SLC1A3: variants seen among roughly 807,000 people sequenced by gnomAD.
The protein encoded by SLC1A3 is solute carrier family 1 member 3.
A neutral mutation model predicts 48.1 loss-of-function variants in SLC1A3; 21 were observed. The ratio of observed to expected loss-of-function variants is 0.44; its 90% confidence interval spans 0.31 to 0.63. SLC1A3 has a LOEUF of 0.63. SLC1A3 is among the 20% of genes least tolerant of loss of function. SLC1A3 has a pLI of 0.08. For missense variants in SLC1A3, 546 were observed against 689.0 expected (o/e 0.79, Z 2.32); for synonymous variants, 239 against 251.4 (o/e 0.95, Z 0.47).
rs1461143702 is a variant in SLC1A3, at chr5:36,687,470, C to T, written c.*1201C>T. The T allele has an allele frequency of 6.6e-6, 1 of 151,908 alleles. No individual in the cohort carries two copies. The highest frequency in any genetic ancestry group is 2.4e-5 in the African/African-American group (1 of 41,316). 9.4% of individuals were successfully genotyped at this position (151,908 alleles called of 1,614,324 possible). On this transcript the variant is annotated 3_prime_UTR_variant, in exon 10 of 10. Transcript: ENST00000265113. ...CTTTTTCTCGAGTCCAAAATCATTCCCCCCGTGAAGTCTGCTTACCAAAAC... is the reference window on the plus strand; with the variant it reads ...CTTTTTCTCGAGTCCAAAATCATTCTCCCCGTGAAGTCTGCTTACCAAAAC...
chr5:36,608,247 C>T, intron 1 of SLC1A3, 82 bp from the exon 2 acceptor site: 2 of 602,652 alleles, frequency 3.3e-6, no homozygotes, highest in South Asian at 4.2e-5. Flanking sequence ...ATGCAATTTG[C>T]CAAGAGCTTG....
At chr5:36,650,956 T>G (rs1292865075) in intron 3 of SLC1A3, among the ~76,000 whole-genome samples, 1 of 152,154 alleles carries the variant, frequency 6.6e-6, no homozygotes, top group Non-Finnish European at 1.5e-5. Context: ...GGTAAAGGCC[T>G]CATGATTCTA....
intron 4 of SLC1A3, among the ~76,000 whole-genome samples, chr5:36,672,675 G>A (rs1005013405): frequency 2.6e-5 from 4 of 152,136 alleles, no homozygotes; most frequent in African/African-American, 9.7e-5. Context: ...TTCCCACCAT[G>A]GGTGACTTTG....
rs746153813 is a variant in SLC1A3 at position 36,608,482 on chromosome 5, A to G, written c.59A>G (p.Gln20Arg). 2 of 1,614,120 alleles carry G rather than the reference A, an allele frequency of 1.2e-6. No individual in the cohort carries two copies. Among genetic ancestry groups the G allele is most frequent in the South Asian group, 2.2e-5 (2 of 91,084 alleles). The change falls in exon 2 of 10, where the codon CAG becomes CGG. Residue 20 changes from glutamine (Q) to arginine (R), a missense_variant. Gln to Arg is a conservative substitution (Grantham distance 43, BLOSUM62 1). Transcript: ENST00000265113. ...KMGGRMERFQQGVRKRTLLAK... is the reference protein window; with the variant it reads ...KMGGRMERFQRGVRKRTLLAK... ...GGGGGCAGGATGGAGAGATTCCAGC[A>G]GGGAGTCCGTAAACGCACACTTTTG... is the stretch of plus-strand genomic sequence containing the variant.
Position 36,629,526 on chromosome 5 carries a change from A to T in SLC1A3, c.258A>T (p.Glu86Asp). 1.2e-6 allele frequency: 2 copies of T among 1,612,396 alleles called. No individual in the cohort carries two copies. Among genetic ancestry groups the T allele is most frequent in the Non-Finnish European group, 1.7e-6 (2 of 1,179,058 alleles). Residue 86 changes from glutamate to aspartate, a missense_variant, in exon 3 of 10, where the codon GAA (glutamate) becomes GAT (aspartate). By Grantham distance (45) the Glu-to-Asp change is conservative (BLOSUM62 2). This residue lies in a region of SLC1A3 where 348 missense variants were observed against 392.0 expected (regional missense o/e 0.89). Coordinates refer to ENST00000265113, the MANE Select transcript of SLC1A3 (RefSeq NM_004172.5). ...TCAAGTACTTCTCCTTTCCTGGGGA[A>T]CTTCTGATGAGGATGTTACAGATGC... The part of the protein sequence containing the change: ...REVKYFSFPG[E>D]LLMRMLQMLV...
At chr5:36,617,487 T>TA (rs1579953458) in intron 2 of SLC1A3, among the ~76,000 whole-genome samples, 1 of 128,888 alleles carries the variant, frequency 7.8e-6, no homozygotes, top group Non-Finnish European at 1.6e-5. Context: ...TAGTCCAAAA[T>TA]AAAAAAATAG....
chr5:36,608,480 G>A lies in SLC1A3; in HGVS notation c.57G>A (p.Gln19=). The change falls in exon 2 of 10, where the codon CAG becomes CAA. Residue 19 remains glutamine, a synonymous_variant. Coordinates refer to ENST00000265113, the MANE Select transcript of SLC1A3 (RefSeq NM_004172.5). The part of the protein sequence containing the change: ...PKMGGRMERF[Q]QGVRKRTLLA... ...TGGGGGGCAGGATGGAGAGATTCCA[G>A]CAGGGAGTCCGTAAACGCACACTTT... 1 of 1,614,062 alleles carries A rather than the reference G, an allele frequency of 6.2e-7. No individual in the cohort carries two copies.
intron 2 of SLC1A3, among the ~76,000 whole-genome samples, chr5:36,624,972 AC>A (rs1219310070): frequency 6.6e-6 from 1 of 152,114 alleles, no homozygotes; most frequent in African/African-American, 2.4e-5. Flanking sequence ...GATGCTAAAG[AC>A]CCAGGAACCA....
intron 3 of SLC1A3, among the ~76,000 whole-genome samples, chr5:36,632,482 T>C (rs1258278507): frequency 1.3e-5 from 2 of 152,196 alleles, no homozygotes; most frequent in South Asian, 2.1e-4. Flanking sequence ...CAAATTGCTA[T>C]TGGAAAGCCT....
intron 3 of SLC1A3, among the ~76,000 whole-genome samples, chr5:36,657,450 G>A (rs1177207599): frequency 2.6e-5 from 4 of 152,100 alleles, no homozygotes; most frequent in African/African-American, 9.7e-5. Flanking sequence ...GAGTGTTTAA[G>A]GCTCCATGTC....
Position 36,608,397 on chromosome 5 carries a change from G to A in SLC1A3, c.-27G>A, listed in dbSNP as rs771303258. On this transcript the variant is annotated 5_prime_UTR_variant, in exon 2 of 10. Coordinates refer to ENST00000265113, the MANE Select transcript of SLC1A3 (RefSeq NM_004172.5). ...TGATTCCCAGACACTGAAGTGCAAA[G>A]AAGAGACCCTCCTAGAAAAGTAAAA... The A allele has an allele frequency of 1.2e-6, 2 of 1,612,184 alleles. No individual in the cohort carries two copies. Among genetic ancestry groups the A allele is most frequent in the Middle Eastern group, 1.7e-4 (1 of 5,818 alleles).
intron 7 of SLC1A3, 72 bp from the exon 8 acceptor site, chr5:36,680,323 C>T: frequency 7.5e-7 from 1 of 1,326,836 alleles, no homozygotes. Flanking sequence ...CTGTCTGTCC[C>T]AAAGACCAAA....
At chr5:36,614,615 C>CTTCTTTGCACT (rs1739356708) in intron 2 of SLC1A3, among the ~76,000 whole-genome samples, 1 of 152,156 alleles carries the variant, frequency 6.6e-6, no homozygotes, top group Admixed American at 6.5e-5. Flanking sequence ...AGACGCCTCT[C>CTTCTTTGCACT]TCAGGAAAAC....
chr5:36,674,479 GT>G (rs1477574972), intron 5 of SLC1A3, among the ~76,000 whole-genome samples: 1 of 143,912 alleles, frequency 6.9e-6, no homozygotes, highest in African/African-American at 2.7e-5. Flanking sequence ...AGATTTCTGG[GT>G]TTGATTTAAA....
At chr5:36,680,915 CAAA>C (rs10710837) in intron 8 of SLC1A3, among the ~76,000 whole-genome samples, 8 of 84,854 alleles carry the variant, frequency 9.4e-5, no homozygotes, top group Admixed American at 2.7e-4. Context: ...GACTCCATCT[CAAA>C]AAAAAAAAAA....
At chr5:36,626,178 C>T (rs1739896417) in intron 2 of SLC1A3, among the ~76,000 whole-genome samples, 1 of 152,162 alleles carries the variant, frequency 6.6e-6, no homozygotes, top group East Asian at 1.9e-4. Context: ...GCTGTATACA[C>T]AACCAGTGTT....
At chr5:36,684,646 TCC>T (rs1742574297) in intron 9 of SLC1A3, among the ~76,000 whole-genome samples, 2 of 152,204 alleles carry the variant, frequency 1.3e-5, no homozygotes, top group South Asian at 4.1e-4. Flanking sequence ...TGAAAATCTT[TCC>T]CCAGGATGCC....
chr5:36,667,415 A>C (rs74723112), intron 3 of SLC1A3, among the ~76,000 whole-genome samples: 5,879 of 152,318 alleles, frequency 0.039, 134 homozygotes, highest in Middle Eastern at 0.095. Context: ...AGTTAGAGAA[A>C]GTCAGCATGG....
intron 3 of SLC1A3, among the ~76,000 whole-genome samples, chr5:36,648,621 C>T (rs1740930093): frequency 1.3e-5 from 2 of 152,174 alleles, no homozygotes; most frequent in South Asian, 4.1e-4. Flanking sequence ...CACTGAGCTA[C>T]TGATAACAAC....
Sources: gnomAD v4.1 joint callset for allele counts (sites outside exome capture counted in the v4.1 genomes callset) on GRCh38, gnomAD v4.1.1 for gene constraint, gnomAD v4.1.1 regional missense constraint, MANE v1.5 for transcripts, NCBI Gene and HGNC (gene_info 2026-07-23, HGNC 2026-07-21) for gene names.